Variants in HMCN1 observed in about 807,000 individuals in gnomAD.
HMCN1 encodes hemicentin 1, also known as hemicentin-1.
In HMCN1, 321 loss-of-function variants were observed where a neutral mutation model predicts 625.9. The observed-to-expected ratio is 0.51, with a 90% confidence interval of 0.47 to 0.56. The LOEUF (loss-of-function observed/expected upper bound fraction) is 0.56, where lower values mean the gene tolerates loss of function less well. Ranked by LOEUF, HMCN1 falls within the 20% of genes least tolerant of loss-of-function variation. The pLI, the probability that HMCN1 is intolerant of heterozygous loss-of-function variation, is 0.00. For synonymous variants in HMCN1, 2,425 were observed against 2,417.6 expected (o/e 1.00, Z -0.09); for missense variants, 6,588 against 6,887.3 (o/e 0.96, Z 1.54).
intron 1 of HMCN1, among the ~76,000 whole-genome samples, chr1:185,738,950 G>T (rs1434236247): frequency 6.6e-6 from 1 of 152,136 alleles, no homozygotes; most frequent in Non-Finnish European, 1.5e-5. Context: ...CTGGGGTTTG[G>T]TGTACAAATG....
intron 64 of HMCN1, 40 bp downstream of exon 64, chr1:186,090,957 C>A: frequency 6.4e-7 from 1 of 1,571,102 alleles, no homozygotes; most frequent in Non-Finnish European, 8.8e-7. Flanking sequence ...AATTGTAAGC[C>A]CTTCTACAAT....
Position 186,075,356 on chromosome 1 carries a change from C to A in HMCN1, c.8290+465C>A, listed in dbSNP as rs567864946. On this transcript the variant is annotated intron_variant, in intron 53 of 106. Coordinates refer to ENST00000271588, the MANE Select transcript of HMCN1 (RefSeq NM_031935.3). ...CATGTAACAAACCAGCACATGTACC[C>A]CATAAACATAAAATGAAAGTTGGAA... is the stretch of plus-strand genomic sequence containing the variant. Among the ~76,000 whole-genome samples the A allele has an allele frequency of 1.6e-3, 245 of 151,796 alleles. 1 individual carries two copies. The highest frequency in any genetic ancestry group is 8.5e-3 in the South Asian group (41 of 4,798).
chr1:186,065,349 TG>T lies in HMCN1; in HGVS notation c.7626del (p.Pro2543HisfsTer34). On this transcript the variant is annotated frameshift_variant, in exon 49 of 107. Transcript: ENST00000271588. LOFTEE classifies it high-confidence loss of function. ...GRFLQITNVQ[V>X]PHTGRYTCLA... ...TTTCTTCAAATTACCAATGTCCAGG[TG>T]CCACACACTGGAAGATATACATGTT... 6.2e-7 allele frequency: 1 copy of T among 1,612,148 alleles called. No homozygotes were observed. The highest frequency in any genetic ancestry group is 8.5e-7 in the Non-Finnish European group (1 of 1,179,468).
At chr1:185,897,079 T>C (rs183052982) in intron 4 of HMCN1, among the ~76,000 whole-genome samples, 101 of 152,288 alleles carry the variant, frequency 6.6e-4, no homozygotes, top group African/African-American at 1.9e-3. Flanking sequence ...GCTGAGTCAT[T>C]CTAGACTTTT....
rs1367350114 is a variant in HMCN1, at chr1:186,039,730, G to A, written c.6031G>A (p.Ala2011Thr). The change falls in exon 39 of 107, where the codon GCC becomes ACC. Residue 2011 changes from alanine (A) to threonine (T), a missense_variant and splice_region_variant. This residue lies in a region of HMCN1 where 4,628 missense variants were observed against 4,853.1 expected (regional missense o/e 0.95). Coordinates refer to ENST00000271588, the MANE Select transcript of HMCN1 (RefSeq NM_031935.3). ...TTACTTTCATTTGTTTTTTTCAGTG[G>A]CCCCATCAATTTCTGGCAGCAATAA... Reference protein sequence around the residue: ...ELFYSLQVHVAPSISGSNNMV... With the variant: ...ELFYSLQVHVTPSISGSNNMV... 1.2e-6 allele frequency: 2 copies of A among 1,613,092 alleles called. No individual in the cohort carries two copies. Among genetic ancestry groups the A allele is most frequent in the South Asian group, 1.1e-5 (1 of 91,056 alleles).
rs199716154 is a variant in HMCN1 at position 185,886,215 on chromosome 1, G to GA, written c.621+20363dup. Among the ~76,000 whole-genome samples, 226 of 139,762 alleles carry GA rather than the reference G, an allele frequency of 1.6e-3. 5 individuals carry two copies. The East Asian group carries it at 0.03, about 18-fold the overall frequency. The allele number at this position is 139,762 out of a possible 152,430, so 91.7% of individuals were successfully genotyped here. A position where few individuals can be genotyped will look rare whatever the true frequency, so the allele number is the denominator to read the frequency against. On this transcript the variant is annotated intron_variant, in intron 4 of 106. Transcript: ENST00000271588. ...CTTTTTACTGCGTGTTCTATTGGAA[G>GA]AAAAAAAAAAAGAGATGAGGGGAGT...
intron 11 of HMCN1, among the ~76,000 whole-genome samples, chr1:185,952,221 A>C (rs1217243785): frequency 6.7e-6 from 1 of 150,204 alleles, no homozygotes; most frequent in East Asian, 2.0e-4. Flanking sequence ...GCTGGGCAGG[A>C]GGGGGAGGGC....
chr1:186,095,959 T>C (rs1413297626), intron 68 of HMCN1, among the ~76,000 whole-genome samples: 3 of 152,210 alleles, frequency 2.0e-5, no homozygotes, highest in Admixed American at 6.5e-5. Flanking sequence ...TATTCTTGTG[T>C]GCATTTAAAG....
intron 1 of HMCN1, among the ~76,000 whole-genome samples, chr1:185,807,730 AT>A (rs1384803065): frequency 7.2e-5 from 11 of 152,114 alleles, no homozygotes; most frequent in Non-Finnish European, 1.5e-4. Context: ...ATGTTTATGA[AT>A]TTTATGTTTT....
Position 186,103,553 on chromosome 1 carries a change from C to T in HMCN1, c.10655C>T (p.Ala3552Val). The T allele has an allele frequency of 1.2e-6, 2 of 1,613,864 alleles. No individual in the cohort carries two copies. Among genetic ancestry groups the T allele is most frequent in the Non-Finnish European group, 8.5e-7 (1 of 1,179,820 alleles). The change falls in exon 69 of 107, where the codon GCT (alanine) becomes GTT (valine). Residue 3552 changes from alanine to valine, a missense_variant. By Grantham distance (64) the Ala-to-Val change is moderately conservative. Coordinates refer to ENST00000271588, the MANE Select transcript of HMCN1 (RefSeq NM_031935.3). Reference protein sequence around the residue: ...VNNPLELTCIASGIPAPKMTW... With the variant: ...VNNPLELTCIVSGIPAPKMTW... Reference sequence around the variant, plus strand: ...AACCCACTTGAACTTACCTGCATTGCTTCTGGAATCCCAGCCCCTAAAATG... The same window carrying T: ...AACCCACTTGAACTTACCTGCATTGTTTCTGGAATCCCAGCCCCTAAAATG...
In HMCN1 at chr1:185,993,304, T is replaced by G; in HGVS notation, c.3500T>G (p.Val1167Gly). The change falls in exon 23 of 107, where the codon GTC (valine) becomes GGC (glycine). Residue 1167 changes from valine to glycine, a missense_variant. Around this residue, in one of 3 missense-constraint regions of HMCN1, gnomAD observed 4,628 missense variants for 4,853.1 expected, o/e 0.95. Coordinates refer to ENST00000271588, the MANE Select transcript of HMCN1 (RefSeq NM_031935.3). ...GTGACTCAGGCTGTCAAATTAAATGTCCATGGTGAGTCTTGAAATGAGAAC... is the reference window on the plus strand; with the variant it reads ...GTGACTCAGGCTGTCAAATTAAATGGCCATGGTGAGTCTTGAAATGAGAAC... ...GNVTQAVKLNVHVPPKIQRGP... is the reference protein window; with the variant it reads ...GNVTQAVKLNGHVPPKIQRGP... 1 of 1,612,728 alleles carries G rather than the reference T, an allele frequency of 6.2e-7. No individual in the cohort carries two copies. The highest frequency in any genetic ancestry group is 1.1e-5 in the South Asian group (1 of 91,068).
At chr1:186,105,345 C>T (rs1660561478) in intron 69 of HMCN1, among the ~76,000 whole-genome samples, 1 of 152,182 alleles carries the variant, frequency 6.6e-6, no homozygotes, top group African/African-American at 2.4e-5. Context: ...GTATATACTT[C>T]TGTAGTAACT....
chr1:186,059,299 G>A (rs866665335), intron 46 of HMCN1, among the ~76,000 whole-genome samples: 16 of 152,084 alleles, frequency 1.1e-4, no homozygotes, highest in Middle Eastern at 3.4e-3. Flanking sequence ...TATCTTCTTG[G>A]CTTGAAATTA....
At chr1:185,889,022 C>G (rs1408271284) in intron 4 of HMCN1, among the ~76,000 whole-genome samples, 3 of 144,964 alleles carry the variant, frequency 2.1e-5, no homozygotes, top group African/African-American at 8.5e-5. Context: ...AGAGGTCCTT[C>G]ACATCCCTTG....
intron 40 of HMCN1, among the ~76,000 whole-genome samples, chr1:186,042,899 G>C (rs1286673277): frequency 3.9e-5 from 6 of 152,064 alleles, no homozygotes; most frequent in Admixed American, 1.3e-4. Flanking sequence ...TACGCTGTTG[G>C]GGGGTGGAAT....
intron 45 of HMCN1, among the ~76,000 whole-genome samples, chr1:186,056,923 A>C (rs887896020): frequency 6.6e-6 from 1 of 151,870 alleles, no homozygotes; most frequent in Non-Finnish European, 1.5e-5. Context: ...ATTAAAAAAA[A>C]GGGGGCGAGT....
intron 29 of HMCN1, among the ~76,000 whole-genome samples, chr1:186,006,893 T>C (rs1487811937): frequency 1.3e-5 from 2 of 151,988 alleles, no homozygotes; most frequent in Non-Finnish European, 2.9e-5. Context: ...TATTATTATA[T>C]AATTTAAGTT....
At chr1:185,767,143 T>A (rs573982277) in intron 1 of HMCN1, among the ~76,000 whole-genome samples, 23 of 152,274 alleles carry the variant, frequency 1.5e-4, no homozygotes, top group Admixed American at 1.2e-3. Context: ...AATTTCAGAT[T>A]CAAATTAGTG....
At chr1:185,914,733 A>G (rs1666606872) in intron 6 of HMCN1, among the ~76,000 whole-genome samples, 1 of 151,562 alleles carries the variant, frequency 6.6e-6, no homozygotes, top group East Asian at 1.9e-4. Flanking sequence ...TTTTTTCCCT[A>G]AAATGTTCTT....
Sources: allele counts gnomAD v4.1 joint callset (sites outside exome capture counted in the v4.1 genomes callset), GRCh38; gene constraint gnomAD v4.1.1; regional missense constraint gnomAD v4.1.1; transcripts MANE v1.5; gene names NCBI Gene and HGNC (gene_info 2026-07-23, HGNC 2026-07-21).